BMP6: variants seen among roughly 807,000 people sequenced by gnomAD.
BMP6 encodes VG-1-R.
In BMP6, 17 loss-of-function variants were observed where a neutral mutation model predicts 54.1. That is an observed-to-expected ratio of 0.31 (90% confidence interval 0.22 to 0.47). BMP6 has a LOEUF of 0.47. Ranked by LOEUF, BMP6 falls within the 20% of genes least tolerant of loss-of-function variation. BMP6 has a pLI of 1.00. For synonymous variants in BMP6, 328 were observed against 291.2 expected (o/e 1.13, Z -1.28); for missense variants, 720 against 690.4 (o/e 1.04, Z -0.48).
chr6:7,826,696 C>T (rs574201665), intron 1 of BMP6, among the ~76,000 whole-genome samples: 3 of 152,320 alleles, frequency 2.0e-5, no homozygotes, highest in Admixed American at 6.5e-5. Context: ...CAGCACCAGA[C>T]AGGAAGAGCA....
chr6:7,863,787 G>A (rs1759373962), intron 4 of BMP6, among the ~76,000 whole-genome samples: 1 of 152,194 alleles, frequency 6.6e-6, no homozygotes, highest in South Asian at 2.1e-4. Flanking sequence ...GGGAGGCTGA[G>A]GCGGGCGGAT....
chr6:7,804,890 AT>A (rs56264906), intron 1 of BMP6, among the ~76,000 whole-genome samples: 87,105 of 150,480 alleles, frequency 0.58, 25,375 homozygotes, highest in African/African-American at 0.64. Context: ...TCTACAACTG[AT>A]TTTTTTTTTT....
At chr6:7,736,474 C>T (rs1761956606) in intron 1 of BMP6, among the ~76,000 whole-genome samples, 1 of 152,124 alleles carries the variant, frequency 6.6e-6, no homozygotes, top group Admixed American at 6.5e-5. Flanking sequence ...CGTACTGGCC[C>T]TAAGGGCAGG....
intron 4 of BMP6, among the ~76,000 whole-genome samples, chr6:7,873,653 C>T (rs1759564359): frequency 6.6e-6 from 1 of 152,076 alleles, no homozygotes; most frequent in Non-Finnish European, 1.5e-5. Flanking sequence ...TAGCCCCCAT[C>T]CTGAAGCTAA....
intron 4 of BMP6, among the ~76,000 whole-genome samples, chr6:7,871,768 T>A: frequency 6.6e-6 from 1 of 152,304 alleles, no homozygotes; most frequent in Non-Finnish European, 1.5e-5. Flanking sequence ...ACAGACTTTG[T>A]GTCTCAGCAG....
chr6:7,802,139 A>G (rs928809809), intron 1 of BMP6, among the ~76,000 whole-genome samples: 1 of 152,224 alleles, frequency 6.6e-6, no homozygotes, highest in African/African-American at 2.4e-5. Context: ...TATGTGAGCC[A>G]TTTAATTTGC....
At chr6:7,807,177 G>C (rs1432301069) in intron 1 of BMP6, among the ~76,000 whole-genome samples, 1 of 152,184 alleles carries the variant, frequency 6.6e-6, no homozygotes, top group African/African-American at 2.4e-5. Context: ...AGGAATCTTA[G>C]ACCTCCTGTT....
chr6:7,733,443 T>TA (rs999195745), intron 1 of BMP6, among the ~76,000 whole-genome samples: 1 of 152,134 alleles, frequency 6.6e-6, no homozygotes, highest in African/African-American at 2.4e-5. Context: ...CTCCCTAAGA[T>TA]AGGAATAGAC....
chr6:7,811,783 C>G (rs1237081655), intron 1 of BMP6, among the ~76,000 whole-genome samples: 1 of 152,162 alleles, frequency 6.6e-6, no homozygotes, highest in African/African-American at 2.4e-5. Flanking sequence ...CGTTAAACTT[C>G]CAGTTAAACT....
At chr6:7,737,546 A>G (rs987032025) in intron 1 of BMP6, among the ~76,000 whole-genome samples, 2 of 152,172 alleles carry the variant, frequency 1.3e-5, no homozygotes, top group South Asian at 2.1e-4. Context: ...ATGCATGCAC[A>G]TACCTGTCAT....
chr6:7,735,973 G>T (rs1021433164), intron 1 of BMP6, among the ~76,000 whole-genome samples: 2 of 152,198 alleles, frequency 1.3e-5, no homozygotes, highest in Admixed American at 6.5e-5. Flanking sequence ...TTCGGGGAAA[G>T]AATTATAAAA....
At chr6:7,738,079 TTAC>T (rs1761988719) in intron 1 of BMP6, among the ~76,000 whole-genome samples, 1 of 152,164 alleles carries the variant, frequency 6.6e-6, no homozygotes, top group African/African-American at 2.4e-5. Flanking sequence ...TTTCAAAAAG[TTAC>T]TACTTTTCCA....
chr6:7,734,657 C>T (rs780550774), intron 1 of BMP6, among the ~76,000 whole-genome samples: 3 of 152,166 alleles, frequency 2.0e-5, no homozygotes, highest in South Asian at 4.1e-4. Context: ...TTTTCTGCTC[C>T]GAAATTGAGT....
At chr6:7,867,611 GA>G (rs1759446248) in intron 4 of BMP6, among the ~76,000 whole-genome samples, 1 of 152,192 alleles carries the variant, frequency 6.6e-6, no homozygotes, top group African/African-American at 2.4e-5. Context: ...AGTTCTCCAG[GA>G]AAGTTGGGAA....
intron 1 of BMP6, among the ~76,000 whole-genome samples, chr6:7,741,878 C>G (rs1757272311): frequency 6.6e-6 from 1 of 152,260 alleles, no homozygotes; most frequent in Non-Finnish European, 1.5e-5. Context: ...ACTGACTTCT[C>G]TGATTCCTAT....
Position 7,750,679 on chromosome 6 carries a change from C to T in BMP6, c.664+23060C>T, listed in dbSNP as rs147466740. 5.7e-4 allele frequency among the ~76,000 whole-genome samples: 86 copies of T among 152,128 alleles called. No individual in the cohort carries two copies. In the East Asian group the frequency reaches 0.016, roughly 29 times the overall value. The stretch of plus-strand genomic sequence containing the variant: ...ATTTTTTTTAAAAAAGTTAAAAGTC[C>T]TCTTTGACTTTTTATTCCCTAGTCT... On this transcript the variant is annotated intron_variant, in intron 1 of 6. Transcript: ENST00000283147.
intron 1 of BMP6, among the ~76,000 whole-genome samples, chr6:7,763,517 T>G (rs1032329605): frequency 7.2e-5 from 11 of 152,158 alleles, no homozygotes; most frequent in African/African-American, 2.7e-4. Context: ...AAACACCCAT[T>G]AAAAAGAAAG....
intron 4 of BMP6, among the ~76,000 whole-genome samples, chr6:7,875,905 TAGA>T (rs1199137759): frequency 6.6e-6 from 1 of 152,220 alleles, no homozygotes; most frequent in Non-Finnish European, 1.5e-5. Context: ...GTCATCACCC[TAGA>T]CACTGGCTGC....
chr6:7,762,602 GA>G (rs1472261802), intron 1 of BMP6, among the ~76,000 whole-genome samples: 1 of 152,248 alleles, frequency 6.6e-6, no homozygotes, highest in Non-Finnish European at 1.5e-5. Context: ...AAATTCTATA[GA>G]AATATAAGCT....
Sources: gnomAD v4.1 joint callset for allele counts (sites outside exome capture counted in the v4.1 genomes callset) on GRCh38, gnomAD v4.1.1 for gene constraint, MANE v1.5 for transcripts, NCBI Gene and HGNC (gene_info 2026-07-23, HGNC 2026-07-21) for gene names.